The following MLXIP variants were observed in gnomAD, a reference collection of about 807,000 sequenced individuals.
MLXIP encodes the protein MLX interacting protein.
In MLXIP, 30 loss-of-function variants were observed where a neutral mutation model predicts 87.2. The observed-to-expected ratio is 0.34, with a 90% CI of 0.26 to 0.47. MLXIP has a LOEUF of 0.47. Ranked by LOEUF, MLXIP falls within the 20% of genes least tolerant of loss-of-function variation. MLXIP has a pLI of 1.00. For synonymous variants in MLXIP, 530 were observed against 514.0 expected, an observed-to-expected ratio of 1.03 and a Z score of -0.42; for missense variants, 1,002 against 1,240.1, an observed-to-expected ratio of 0.81 and a Z score of 2.88.
At chr12:122,141,236 A>G (rs1358734262) in intron 16 of MLXIP, 153 bp downstream of exon 16, 68 of 694,464 alleles carry the variant, frequency 9.8e-5, no homozygotes, top group Non-Finnish European at 1.2e-4. Context: ...CTCAGTCAGG[A>G]GCGCCCAGTG....
chr12:122,123,810 C>A (rs1952823940), intron 1 of MLXIP, among the ~76,000 whole-genome samples: 1 of 152,208 alleles, frequency 6.6e-6, no homozygotes, highest in South Asian at 2.1e-4. Context: ...AGCGACCTTC[C>A]TGCCTCAGTC....
rs1953124193 is a variant in MLXIP, at chr12:122,137,954, C to CGGTTCAG, written c.2155-239_2155-233dup. On this transcript the variant is annotated intron_variant, in intron 12 of 16. Coordinates refer to ENST00000319080, the MANE Select transcript of MLXIP (RefSeq NM_014938.6). The surrounding 1 kb of genome is among the most constrained non-coding windows in gnomAD (Gnocchi z 4.1). ...GGAGCTTGCAGCACCTGGGATGCAC[C>CGGTTCAG]GGTTCAGCCCTGCCGTTCCCAGCCC... 6.6e-6 allele frequency among the ~76,000 whole-genome samples: 1 copy of CGGTTCAG among 152,160 alleles called. No individual in the cohort carries two copies. Among genetic ancestry groups the CGGTTCAG allele is most frequent in the African/African-American group, 2.4e-5 (1 of 41,446 alleles).
At chr12:122,093,672 G>GGT (rs1218545770) in intron 1 of MLXIP, among the ~76,000 whole-genome samples, 141 of 137,694 alleles carry the variant, frequency 1.0e-3, no homozygotes, top group African/African-American at 3.5e-3. Flanking sequence ...ATGTGTGTGT[G>GGT]GTGTATGTGT....
intron 1 of MLXIP, among the ~76,000 whole-genome samples, chr12:122,120,781 T>TTGTACCTGTCCTGCAGCACTCAC (rs1254577533): frequency 6.6e-6 from 1 of 151,946 alleles, no homozygotes; most frequent in African/African-American, 2.4e-5. Context: ...TCAGCACTCA[T>TTGTACCTGTCCTGCAGCACTCAC]TGTACCTGTC....
At chr12:122,139,528 A>G (rs551716545) in intron 15 of MLXIP, among the ~76,000 whole-genome samples, 2 of 152,242 alleles carry the variant, frequency 1.3e-5, no homozygotes, top group African/African-American at 4.8e-5. Context: ...CGGTCGGCAC[A>G]TGTGTTGGGT....
chr12:122,093,997 CTGGTG>C (rs1329600277), intron 1 of MLXIP, among the ~76,000 whole-genome samples: 2 of 112,838 alleles, frequency 1.8e-5, no homozygotes, highest in Admixed American at 9.5e-5. Context: ...TTTGCGGTGT[CTGGTG>C]TGGTGTGTGT....
intron 1 of MLXIP, among the ~76,000 whole-genome samples, chr12:122,090,126 A>C (rs1952223763): frequency 6.6e-6 from 1 of 152,226 alleles, no homozygotes; most frequent in Non-Finnish European, 1.5e-5. Context: ...AAGCGCATTC[A>C]GTAATTTAAA....
At position 122,137,444 on chromosome 12, in the gene MLXIP, C is replaced by T. The variant is rs1489938933; in HGVS notation, c.2033-25C>T. The T allele has an allele frequency of 2.5e-6, 4 of 1,608,758 alleles. No individual in the cohort carries two copies. The highest frequency in any genetic ancestry group is 3.4e-6 in the Non-Finnish European group (4 of 1,177,222). ...GGCGTTGAGGGGCCAGGCCTCCGCCCCTCAGAGGAGTCTGTTCTTACCAGG... is the reference window on the plus strand; with the variant it reads ...GGCGTTGAGGGGCCAGGCCTCCGCCTCTCAGAGGAGTCTGTTCTTACCAGG... On this transcript the variant is annotated intron_variant, in intron 11 of 16. Transcript: ENST00000319080. The surrounding 1 kb of genome is among the most constrained non-coding windows in gnomAD (Gnocchi z 4.1).
chr12:122,139,442 T>A (rs1354421928), intron 15 of MLXIP, among the ~76,000 whole-genome samples: 1 of 152,164 alleles, frequency 6.6e-6, no homozygotes, highest in African/African-American at 2.4e-5. Flanking sequence ...GCCTTCCAGG[T>A]GGCAGCACGG....
chr12:122,135,155 C>A lies in MLXIP; in HGVS notation c.1733-69C>A. ...ACAAGCTGTCTCACTGGCAGAGAGGCAGCCTCTGCAGGGTGGGCCAGGCCC... is the reference window on the plus strand; with the variant it reads ...ACAAGCTGTCTCACTGGCAGAGAGGAAGCCTCTGCAGGGTGGGCCAGGCCC... On this transcript the variant is annotated intron_variant, in intron 9 of 16. Transcript: ENST00000319080. The surrounding 1 kb of genome is among the most constrained non-coding windows in gnomAD (Gnocchi z 5.3). The A allele has an allele frequency of 6.4e-7, 1 of 1,573,062 alleles. No homozygotes were observed. Among genetic ancestry groups the A allele is most frequent in the Non-Finnish European group, 8.7e-7 (1 of 1,155,602 alleles).
intron 5 of MLXIP, 121 bp from the exon 6 acceptor site, chr12:122,129,820 C>T: frequency 7.3e-7 from 1 of 1,362,976 alleles, no homozygotes; most frequent in African/African-American, 1.4e-5. Context: ...AATGCCTCCA[C>T]CCTGCTGCCT....
In MLXIP at chr12:122,144,512, G is replaced by A. The variant is rs1183831214; in HGVS notation, c.*2700G>A. ...GGCCTGAGGCTGGAGGATTGCTTGA[G>A]CCTAGAAGTTGCAGTGAGCTATGAT... On this transcript the variant is annotated 3_prime_UTR_variant, in exon 17 of 17. Transcript: ENST00000319080. 2.0e-5 allele frequency: 3 copies of A among 151,936 alleles called. No homozygotes were observed. Among genetic ancestry groups the A allele is most frequent in the African/African-American group, 7.3e-5 (3 of 41,298 alleles). 9.4% of individuals were successfully genotyped at this position (151,936 alleles called of 1,614,324 possible). A position where few individuals can be genotyped will look rare whatever the true frequency, so the allele number is the denominator to read the frequency against.
At chr12:122,134,088 G>C in intron 9 of MLXIP, 101 bp downstream of exon 9, 1 of 1,372,922 alleles carries the variant, frequency 7.3e-7, no homozygotes, top group Non-Finnish European at 9.7e-7. Flanking sequence ...CCACCACCCT[G>C]GTGTGCACGT....
chr12:122,080,126 T>C (rs940447031), intron 1 of MLXIP, among the ~76,000 whole-genome samples: 2 of 152,160 alleles, frequency 1.3e-5, no homozygotes, highest in African/African-American at 4.8e-5. Flanking sequence ...TTTTTCACTC[T>C]CTCTCCCTTT....
rs545177255 is a variant in MLXIP at position 122,144,773 on chromosome 12, G to A, written c.*2961G>A. On this transcript the variant is annotated 3_prime_UTR_variant, in exon 17 of 17. Coordinates refer to ENST00000319080, the MANE Select transcript of MLXIP (RefSeq NM_014938.6). ...GTGGTGGTACACGCCTGTAATCCCA[G>A]CTACTCGGGAGGCTGAGTCAGGAGA... 1.3e-4 allele frequency: 20 copies of A among 152,334 alleles called. No individual in the cohort carries two copies. Among genetic ancestry groups the A allele is most frequent in the Non-Finnish European group, 2.8e-4 (19 of 68,084 alleles). 9.4% of individuals were successfully genotyped at this position (152,334 alleles called of 1,614,324 possible). A position where few individuals can be genotyped will look rare whatever the true frequency, so the allele number is the denominator to read the frequency against.
chr12:122,110,297 T>A (rs1205262224), intron 1 of MLXIP, among the ~76,000 whole-genome samples: 1 of 151,968 alleles, frequency 6.6e-6, no homozygotes, highest in Non-Finnish European at 1.5e-5. Flanking sequence ...CTCTTTTTTT[T>A]ATTTTTTGAG....
At position 122,138,698 on chromosome 12, in the gene MLXIP, C is replaced by T. The variant is rs371122502; in HGVS notation, c.2385-117C>T. 5 of 1,499,826 alleles carry T rather than the reference C, an allele frequency of 3.3e-6. No homozygotes were observed. The African/African-American group carries it at 4.2e-5, about 13-fold the overall frequency. The allele number at this position is 1,499,826 out of a possible 1,614,324, so 92.9% of individuals were successfully genotyped here. ...CTCTTTGTCAACCTCCTTCCACAGA[C>T]CTCTCTTCTCTGTGCCTGGCTGTGG... On this transcript the variant is annotated intron_variant, in intron 14 of 16. Transcript: ENST00000319080.
intron 14 of MLXIP, 75 bp downstream of exon 14, chr12:122,138,626 C>T (rs747276883): frequency 1.6e-5 from 25 of 1,537,664 alleles, no homozygotes; most frequent in African/African-American, 2.7e-5. Flanking sequence ...GTGGTGGGAC[C>T]CTGTGGCCTC....
At position 122,143,021 on chromosome 12, in the gene MLXIP, C is replaced by G. The variant is rs1220044329; in HGVS notation, c.*1209C>G. On this transcript the variant is annotated 3_prime_UTR_variant, in exon 17 of 17. Transcript: ENST00000319080. ...GCCCAGCCTCAGTCCTTGCTCTTCT[C>G]TGGCTACCTCTGCAGGGAGCTGCAG... The G allele has an allele frequency of 1.3e-5, 2 of 152,794 alleles. No individual in the cohort carries two copies. Among genetic ancestry groups the G allele is most frequent in the South Asian group, 2.1e-4 (1 of 4,848 alleles). 9.5% of individuals were successfully genotyped at this position (152,794 alleles called of 1,614,324 possible).
Sources: allele counts gnomAD v4.1 joint callset (sites outside exome capture counted in the v4.1 genomes callset), GRCh38; gene constraint gnomAD v4.1.1; non-coding constraint Gnocchi (gnomAD v3.1); transcripts MANE v1.5; gene names NCBI Gene and HGNC (gene_info 2026-07-23, HGNC 2026-07-21).